The following TNIK variants were observed in gnomAD, a reference collection of about 807,000 sequenced individuals.
The protein encoded by TNIK is TRAF2 and NCK interacting kinase.
TNIK carries 49 observed loss-of-function variants against 191.3 expected under a neutral mutation model. That is an observed-to-expected ratio of 0.26 (90% CI 0.20 to 0.32). TNIK has a LOEUF of 0.32. Among genes scored for constraint, TNIK ranks in the 10% least tolerant of loss-of-function variants. The probability of loss-of-function intolerance (pLI) is 1.00; values close to 1 mark genes in which losing one functional copy is unlikely to be tolerated. For missense variants in TNIK, 1,155 were observed against 1,702.3 expected, an observed-to-expected ratio of 0.68 and a Z score of 5.66; for synonymous variants, 594 against 600.9, an observed-to-expected ratio of 0.99 and a Z score of 0.17.
intron 19 of TNIK, among the ~76,000 whole-genome samples, chr3:171,110,216 T>G (rs1295062509): frequency 1.3e-5 from 2 of 152,206 alleles, no homozygotes; most frequent in African/African-American, 2.4e-5. Context: ...CTAAATATGC[T>G]TTTTAAGTCA....
At chr3:171,293,540 T>C (rs1352094228) in intron 2 of TNIK, among the ~76,000 whole-genome samples, 1 of 152,252 alleles carries the variant, frequency 6.6e-6, no homozygotes, top group Non-Finnish European at 1.5e-5. Context: ...CTCAGTTTTG[T>C]GGTAATATGT....
chr3:171,104,706 AGCTTTTTT>A (rs757416539), intron 21 of TNIK, among the ~76,000 whole-genome samples: 11 of 152,014 alleles, frequency 7.2e-5, no homozygotes, highest in Non-Finnish European at 1.5e-4. Context: ...AAAAATTTTT[AGCTTTTTT>A]TTCTCTTTGT....
At chr3:171,265,850 A>AT (rs11420962) in intron 2 of TNIK, among the ~76,000 whole-genome samples, 32,038 of 151,644 alleles carry the variant, frequency 0.21, 3,587 homozygotes, top group East Asian at 0.28. Flanking sequence ...AATAAGCATT[A>AT]TTTTTTTTTC....
chr3:171,410,770 C>T (rs185250029), intron 1 of TNIK, among the ~76,000 whole-genome samples: 1,053 of 90,520 alleles, frequency 0.012, 14 homozygotes, highest in African/African-American at 0.049. Flanking sequence ...CAGAGCAAGA[C>T]TCCATCTCAA....
chr3:171,282,291 C>T (rs1396321554), intron 2 of TNIK, among the ~76,000 whole-genome samples: 1 of 150,688 alleles, frequency 6.6e-6, no homozygotes, highest in African/African-American at 2.4e-5. Flanking sequence ...TTTTTTTTAA[C>T]CAACATTTCT....
At chr3:171,113,085 G>GT (rs1726098300) in intron 18 of TNIK, among the ~76,000 whole-genome samples, 1 of 152,138 alleles carries the variant, frequency 6.6e-6, no homozygotes, top group Admixed American at 6.5e-5. Context: ...ATACTAAATT[G>GT]TATCTCATTA....
chr3:171,390,156 A>C (rs1170560750), intron 1 of TNIK, among the ~76,000 whole-genome samples: 7 of 152,148 alleles, frequency 4.6e-5, no homozygotes, highest in Non-Finnish European at 1.0e-4. Context: ...TGTGGCACGA[A>C]TTTACCAAAG....
chr3:171,183,206 TTCC>T (rs540844234), intron 7 of TNIK, among the ~76,000 whole-genome samples: 15 of 152,268 alleles, frequency 9.9e-5, no homozygotes, highest in African/African-American at 2.9e-4. Context: ...TGTGTCCTCC[TTCC>T]TCCTCCAGAC....
chr3:171,118,047 C>T (rs560335286), intron 18 of TNIK, among the ~76,000 whole-genome samples: 88 of 152,242 alleles, frequency 5.8e-4, no homozygotes, highest in African/African-American at 1.6e-3. Context: ...AAAGCCCCAT[C>T]GTCTCAGCCC....
In TNIK at chr3:171,059,556, T is replaced by C. The variant is rs1355993120; in HGVS notation, c.*4325A>G. Among the ~76,000 whole-genome samples the C allele has an allele frequency of 6.6e-6, 1 of 152,184 alleles. No homozygotes were observed. Among genetic ancestry groups the C allele is most frequent in the Non-Finnish European group, 1.5e-5 (1 of 68,012 alleles). ...AATATACAAATTGTCAGTTTTGAAC[T>C]TGCAAATTCTCAAGAGGTTTTCTTC... is the stretch of plus-strand genomic sequence containing the variant. On this transcript the variant is annotated 3_prime_UTR_variant, in exon 33 of 33. Coordinates refer to ENST00000436636, the MANE Select transcript of TNIK (RefSeq NM_015028.4).
At chr3:171,134,337 G>C (rs996878849) in intron 15 of TNIK, among the ~76,000 whole-genome samples, 5 of 152,108 alleles carry the variant, frequency 3.3e-5, no homozygotes, top group African/African-American at 1.2e-4. Context: ...CCAGGCTGGA[G>C]TGCAGTGGTG....
At chr3:171,200,983 C>T (rs1739330354) in intron 4 of TNIK, among the ~76,000 whole-genome samples, 1 of 152,106 alleles carries the variant, frequency 6.6e-6, no homozygotes, top group Admixed American at 6.5e-5. Context: ...ACTAACAGAT[C>T]CCTTCTCTTT....
Position 171,101,335 on chromosome 3 carries a change from A to G in TNIK, c.2591+114T>C, listed in dbSNP as rs1000049166. On this transcript the variant is annotated intron_variant, in intron 22 of 32. Coordinates refer to ENST00000436636, the MANE Select transcript of TNIK (RefSeq NM_015028.4). ...ACAAAAACCCAAGTCCCGAAAGTCA[A>G]TTTATCTTGCCACAGACCCATATAC... is the stretch of plus-strand genomic sequence containing the variant. The G allele has an allele frequency of 1.7e-5, 21 of 1,240,174 alleles. No homozygotes were observed. In the East Asian group the frequency reaches 2.9e-4, roughly 17 times the overall value. The allele number at this position is 1,240,174 out of a possible 1,614,324, so 76.8% of individuals were successfully genotyped here.
chr3:171,093,927 C>T lies in TNIK; in HGVS notation c.2633G>A (p.Gly878Glu). The T allele has an allele frequency of 6.2e-7, 1 of 1,613,950 alleles. No homozygotes were observed. The highest frequency in any genetic ancestry group is 8.5e-7 in the Non-Finnish European group (1 of 1,179,864). Residue 878 changes from glycine to glutamate, a missense_variant, in exon 23 of 33, where the codon GGA becomes GAA. Coordinates refer to ENST00000436636, the MANE Select transcript of TNIK (RefSeq NM_015028.4). ...CTCCAGCCCATGCGTCCCCACCATT[C>T]CCACATTGTACTGCTCGTTGCTGCC... ...APGSNEQYNVGMVGTHGLETS... is the reference protein window; with the variant it reads ...APGSNEQYNVEMVGTHGLETS...
At chr3:171,356,006 T>C (rs1713998873) in intron 2 of TNIK, among the ~76,000 whole-genome samples, 1 of 152,054 alleles carries the variant, frequency 6.6e-6, no homozygotes, top group African/African-American at 2.4e-5. Flanking sequence ...TCCCCCTGCT[T>C]GGAATAGAGG....
chr3:171,393,622 A>T (rs1185133973), intron 1 of TNIK, among the ~76,000 whole-genome samples: 1 of 152,216 alleles, frequency 6.6e-6, no homozygotes, highest in Non-Finnish European at 1.5e-5. Flanking sequence ...TAGTTTCCTC[A>T]TTCAGCCATT....
intron 4 of TNIK, among the ~76,000 whole-genome samples, chr3:171,198,864 C>T (rs1038082267): frequency 3.9e-5 from 6 of 152,076 alleles, no homozygotes; most frequent in African/African-American, 1.4e-4. Flanking sequence ...TGTTTGTGTC[C>T]CTTCTCTAAA....
At chr3:171,206,058 G>A (rs1740031758) in intron 4 of TNIK, among the ~76,000 whole-genome samples, 1 of 151,994 alleles carries the variant, frequency 6.6e-6, no homozygotes, top group Non-Finnish European at 1.5e-5. Flanking sequence ...ACTCCACCAG[G>A]TACTTACTAG....
At chr3:171,369,532 C>T (rs1716198065) in intron 2 of TNIK, 88 bp downstream of exon 2, 1 of 944,868 alleles carries the variant, frequency 1.1e-6, no homozygotes, top group Non-Finnish European at 1.6e-6. Flanking sequence ...TGTTAGGAGC[C>T]ATTTATGAGC....
Sources: gnomAD v4.1 joint callset for allele counts (sites outside exome capture counted in the v4.1 genomes callset) on GRCh38, gnomAD v4.1.1 for gene constraint, MANE v1.5 for transcripts, NCBI Gene and HGNC (gene_info 2026-07-23, HGNC 2026-07-21) for gene names.